SHOC2: variants seen among roughly 807,000 people sequenced by gnomAD.
SHOC2 encodes the protein leucine-rich repeat protein SHOC-2.
SHOC2 carries 4 observed loss-of-function variants against 50.2 expected under a neutral mutation model. The observed-to-expected ratio is 0.08, with a 90% CI of 0.04 to 0.18. The LOEUF (loss-of-function observed/expected upper bound fraction) is 0.18. SHOC2 is among the 10% of genes least tolerant of loss of function. The pLI is 1.00. For missense variants in SHOC2, 388 were observed against 669.6 expected, an observed-to-expected ratio of 0.58 and a Z score of 4.64; for synonymous variants, 218 against 244.5, an observed-to-expected ratio of 0.89 and a Z score of 1.01.
chr10:110,943,137 T>A (rs1292498937), intron 1 of SHOC2, among the ~76,000 whole-genome samples: 1 of 152,176 alleles, frequency 6.6e-6, no homozygotes, highest in Non-Finnish European at 1.5e-5. Flanking sequence ...TCTTCAGAAT[T>A]GAGATGTTTT....
At chr10:110,984,825 C>A (rs1391405440) in intron 2 of SHOC2, among the ~76,000 whole-genome samples, 6 of 152,044 alleles carry the variant, frequency 3.9e-5, no homozygotes, top group Admixed American at 1.3e-4. Flanking sequence ...TCAATTTATG[C>A]ATTTATATAA....
chr10:110,983,900 TATTC>T (rs1370822525), intron 2 of SHOC2, among the ~76,000 whole-genome samples: 2 of 152,224 alleles, frequency 1.3e-5, no homozygotes, highest in Non-Finnish European at 2.9e-5. Flanking sequence ...ACATTTTGGT[TATTC>T]ATTCGTTAAT....
chr10:110,925,367 A>G (rs1846747813), intron 1 of SHOC2, among the ~76,000 whole-genome samples: 1 of 152,144 alleles, frequency 6.6e-6, no homozygotes, highest in East Asian at 1.9e-4. Flanking sequence ...TGAACTTGAG[A>G]ATTGACTAAT....
In SHOC2 at chr10:110,964,696, A is replaced by G. The variant is rs1362192624; in HGVS notation, c.338A>G (p.His113Arg). The G allele has an allele frequency of 1.9e-6, 3 of 1,614,008 alleles. No homozygotes were observed. The highest frequency in any genetic ancestry group is 3.3e-5 in the Admixed American group (2 of 59,982). The stretch of plus-strand genomic sequence containing the variant: ...TTGGACTTATCCAAGAGATCTATAC[A>G]CATATTGCCATCATCAATCAAAGAG... ...MRLDLSKRSI[H>R]ILPSSIKELT... The change falls in exon 2 of 9, where the codon CAC (histidine) becomes CGC (arginine). Residue 113 changes from histidine (H) to arginine (R), a missense_variant. His to Arg is a conservative substitution (Grantham distance 29). This residue lies in a region of SHOC2 where 121 missense variants were observed against 145.5 expected (regional missense o/e 0.83). Transcript: ENST00000369452. This position sits in a 1 kb window ranked among gnomAD's most constrained non-coding sequence, Gnocchi z 4.9.
intron 1 of SHOC2, chr10:110,937,107 T>C: frequency 6.8e-7 from 1 of 1,469,922 alleles, no homozygotes; most frequent in Non-Finnish European, 9.5e-7. Flanking sequence ...TTGCCAGAAA[T>C]GTTGATGCCT....
At chr10:110,954,525 G>T (rs912152358) in intron 1 of SHOC2, among the ~76,000 whole-genome samples, 1 of 60,596 alleles carries the variant, frequency 1.7e-5, no homozygotes, top group Non-Finnish European at 3.8e-5. Context: ...TTTAATATGG[G>T]TCTTAACTAC....
intron 1 of SHOC2, among the ~76,000 whole-genome samples, chr10:110,950,661 A>C (rs1007026807): frequency 6.6e-6 from 1 of 152,208 alleles, no homozygotes; most frequent in Non-Finnish European, 1.5e-5. Flanking sequence ...TGGTACTGGC[A>C]TAAAACCAGA....
At chr10:110,969,011 C>T (rs766430060) in intron 2 of SHOC2, among the ~76,000 whole-genome samples, 14 of 152,094 alleles carry the variant, frequency 9.2e-5, no homozygotes, top group Non-Finnish European at 2.1e-4. Context: ...TACATATTCA[C>T]ATGGGTAAAG....
chr10:110,990,525 G>C (rs1026027629), intron 3 of SHOC2, among the ~76,000 whole-genome samples: 2 of 83,522 alleles, frequency 2.4e-5, no homozygotes, highest in Non-Finnish European at 4.0e-5. Context: ...TAATCTGATG[G>C]GGACGTGGAG....
Position 110,967,338 on chromosome 10 carries a change from C to A in SHOC2, c.703+2277C>A, listed in dbSNP as rs1847695260. Among the ~76,000 whole-genome samples the A allele has an allele frequency of 2.6e-5, 4 of 152,092 alleles. No individual in the cohort carries two copies. In the South Asian group the frequency reaches 8.3e-4, roughly 31 times the overall value. ...CAATCTAGAAAAATGGGTACCACCC[C>A]CCATAGATTTTGATTCTCTGGTAGG... On this transcript the variant is annotated intron_variant, in intron 2 of 8. Coordinates refer to ENST00000369452, the MANE Select transcript of SHOC2 (RefSeq NM_007373.4).
Position 110,926,972 on chromosome 10 carries a change from CTTTG to C in SHOC2, c.-235+7319_-235+7322del, listed in dbSNP as rs368564568. ...TAGATACTATAATTACTATGTGTTT[CTTTG>C]TTTACTTTGCTATGAAATATGTAAA... is the stretch of plus-strand genomic sequence containing the variant. On this transcript the variant is annotated intron_variant, in intron 1 of 8. Transcript: ENST00000369452. Among the ~76,000 whole-genome samples, 20 of 152,210 alleles carry C rather than the reference CTTTG, an allele frequency of 1.3e-4. No homozygotes were observed. In the East Asian group the frequency reaches 2.5e-3, roughly 19 times the overall value.
chr10:110,983,090 T>G (rs945452269), intron 2 of SHOC2, among the ~76,000 whole-genome samples: 1 of 152,172 alleles, frequency 6.6e-6, no homozygotes, highest in African/African-American at 2.4e-5. Flanking sequence ...TTATATCTTA[T>G]AAGTTTTTGA....
chr10:110,989,367 G>A (rs1237530544), intron 3 of SHOC2, among the ~76,000 whole-genome samples: 1 of 152,168 alleles, frequency 6.6e-6, no homozygotes, highest in Non-Finnish European at 1.5e-5. Flanking sequence ...CAGTCCTGTT[G>A]CCATAGTTGC....
intron 1 of SHOC2, among the ~76,000 whole-genome samples, chr10:110,946,883 A>G (rs1847255842): frequency 6.6e-6 from 1 of 152,182 alleles, no homozygotes; most frequent in Non-Finnish European, 1.5e-5. Flanking sequence ...TTTAAAAGTT[A>G]AATAGGAAGA....
At chr10:110,973,311 A>G (rs879834918) in intron 2 of SHOC2, among the ~76,000 whole-genome samples, 1 of 152,200 alleles carries the variant, frequency 6.6e-6, no homozygotes, top group Non-Finnish European at 1.5e-5. Flanking sequence ...TGTGAGTCAA[A>G]TAAGAGTAAA....
chr10:110,999,557 T>G (rs1416844327), intron 3 of SHOC2, among the ~76,000 whole-genome samples: 2 of 151,686 alleles, frequency 1.3e-5, no homozygotes, highest in African/African-American at 4.8e-5. Flanking sequence ...GCCAACATGG[T>G]GAAACCCCGT....
Position 111,009,701 on chromosome 10 carries a change from TA to T in SHOC2, c.1423-9del. ...ATATTTGTAACTCTCTTTTATTTTG[TA>T]AATCTTTTAGAAATTAGTCTTGACA... is the stretch of plus-strand genomic sequence containing the variant. On this transcript the variant is annotated splice_polypyrimidine_tract_variant and intron_variant, in intron 7 of 8. Transcript: ENST00000369452. 6.7e-7 allele frequency: 1 copy of T among 1,485,238 alleles called. No individual in the cohort carries two copies. Among genetic ancestry groups the T allele is most frequent in the Non-Finnish European group, 9.4e-7 (1 of 1,062,970 alleles). 92.0% of individuals were successfully genotyped at this position (1,485,238 alleles called of 1,614,324 possible).
intron 1 of SHOC2, chr10:110,936,639 G>A (rs1386563389): frequency 2.5e-6 from 2 of 786,882 alleles, no homozygotes; most frequent in South Asian, 1.4e-5. Context: ...AGGAGTCCGT[G>A]GGTCTTGAGG....
At position 110,964,001 on chromosome 10, in the gene SHOC2, G is replaced by T; in HGVS notation, c.-234-124G>T. 1 of 407,164 alleles carries T rather than the reference G, an allele frequency of 2.5e-6. No homozygotes were observed. The highest frequency in any genetic ancestry group is 4.3e-6 in the Non-Finnish European group (1 of 232,788). 25.2% of individuals were successfully genotyped at this position (407,164 alleles called of 1,614,324 possible). ...TTTAAATGGATTTTTACCTATAAAG[G>T]ATGTTCATAAATATTTGAGAATGAA... On this transcript the variant is annotated intron_variant, in intron 1 of 8. Transcript: ENST00000369452. The surrounding 1 kb of genome is among the most constrained non-coding windows in gnomAD (Gnocchi z 4.9).
Sources: allele counts gnomAD v4.1 joint callset (sites outside exome capture counted in the v4.1 genomes callset), GRCh38; gene constraint gnomAD v4.1.1; regional missense constraint gnomAD v4.1.1; non-coding constraint Gnocchi (gnomAD v3.1); transcripts MANE v1.5; gene names NCBI Gene and HGNC (gene_info 2026-07-23, HGNC 2026-07-21).